The following GAK variants were observed in gnomAD, a reference collection of about 807,000 sequenced individuals.
GAK encodes cyclin G associated kinase, also known as cyclin-G-associated kinase.
A neutral mutation model predicts 143.9 loss-of-function variants in GAK; 79 were observed. The ratio of observed to expected loss-of-function variants is 0.55; its 90% CI spans 0.46 to 0.66. The LOEUF (loss-of-function observed/expected upper bound fraction) is 0.66. Ranked by LOEUF, GAK falls within the 30% of genes least tolerant of loss-of-function variation. GAK has a pLI of 0.00. For missense variants in GAK, 1,693 were observed against 1,779.7 expected (o/e 0.95, Z 0.88); for synonymous variants, 881 against 765.5 (o/e 1.15, Z -2.49).
rs1469002064 is a variant in GAK, at chr4:850,994, G to A, written c.3599C>T (p.Thr1200Ile). The A allele has an allele frequency of 6.2e-7, 1 of 1,614,122 alleles. No homozygotes were observed. The highest frequency in any genetic ancestry group is 8.5e-7 in the Non-Finnish European group (1 of 1,180,006). The stretch of plus-strand genomic sequence containing the variant: ...GTCCTGCTTCCTCATCTCTGCAATG[G>A]TCTTTGGCCCTTTCTTGTCAGACCT... ...SSRSDKKGPK[T>I]IAEMRKQDLA... The change falls in exon 26 of 28, where the codon ACC (threonine) becomes ATC (isoleucine). Residue 1200 changes from threonine to isoleucine, a missense_variant. Thr to Ile is a moderately conservative substitution (Grantham distance 89). Around this residue, in one of 2 missense-constraint regions of GAK, gnomAD observed 822 missense variants for 788.7 expected, o/e 1.04. Transcript: ENST00000314167.
intron 18 of GAK, among the ~76,000 whole-genome samples, chr4:873,064 G>C (rs1463135600): frequency 6.9e-6 from 1 of 145,692 alleles, no homozygotes; most frequent in Admixed American, 6.9e-5. Flanking sequence ...CGCCCACAGC[G>C]CAGCCTTGAT....
At chr4:910,653 C>T (rs999184405) in intron 4 of GAK, among the ~76,000 whole-genome samples, 3 of 152,108 alleles carry the variant, frequency 2.0e-5, no homozygotes, top group South Asian at 2.1e-4. Context: ...AGATCTCACG[C>T]GGCTACAGGT....
intron 21 of GAK, 87 bp from the exon 22 acceptor site, chr4:866,621 G>A (rs563728678): frequency 1.3e-5 from 18 of 1,439,898 alleles, no homozygotes; most frequent in Admixed American, 4.2e-5. Context: ...CTGCCCAAGA[G>A]GCCACTCCAG....
intron 24 of GAK, chr4:853,064 T>TTA (rs1748466307): frequency 1.3e-5 from 2 of 152,080 alleles, no homozygotes; most frequent in Admixed American, 6.6e-5. Context: ...CTCCTAGGCT[T>TTA]AAGAGACCCG....
At chr4:912,204 G>C (rs1366406664) in intron 3 of GAK, 1 of 453,698 alleles carries the variant, frequency 2.2e-6, no homozygotes, top group African/African-American at 2.0e-5. Flanking sequence ...CAGAGTCTGA[G>C]GGCAGCCAGG....
chr4:866,359 C>T lies in GAK; in HGVS notation c.3043+5G>A. 1 of 1,613,696 alleles carries T rather than the reference C, an allele frequency of 6.2e-7. No homozygotes were observed. Among genetic ancestry groups the T allele is most frequent in the Non-Finnish European group, 8.5e-7 (1 of 1,179,820 alleles). ...AGAGCTGGCTGCCAGGCGAGAGGCA[C>T]TTACCCAGGTGCAGGAAGTCGGCGC... On this transcript the variant is annotated splice_donor_5th_base_variant and intron_variant, in intron 22 of 27. Transcript: ENST00000314167.
chr4:885,245 A>G (rs1302676513), intron 11 of GAK, among the ~76,000 whole-genome samples: 1 of 152,204 alleles, frequency 6.6e-6, no homozygotes, highest in Non-Finnish European at 1.5e-5. Flanking sequence ...CACACAAAGC[A>G]TGGCTACTGG....
At chr4:903,360 G>C (rs562852908) in intron 5 of GAK, among the ~76,000 whole-genome samples, 4 of 152,334 alleles carry the variant, frequency 2.6e-5, no homozygotes, top group East Asian at 1.9e-4. Flanking sequence ...AGGTGCAGTG[G>C]GGGGACAGTC....
At chr4:874,444 T>A (rs1349777828) in intron 18 of GAK, among the ~76,000 whole-genome samples, 1 of 152,180 alleles carries the variant, frequency 6.6e-6, no homozygotes, top group South Asian at 2.1e-4. Flanking sequence ...GCTGAAGACA[T>A]CCTTAACTGG....
chr4:882,971 T>A, intron 13 of GAK, 152 bp from the exon 14 acceptor site: 1 of 982,424 alleles, frequency 1.0e-6, no homozygotes, highest in Non-Finnish European at 1.5e-6. Context: ...GCACCAGGGC[T>A]GCCACTGGCC....
chr4:858,906 G>C (rs943939263), intron 24 of GAK, among the ~76,000 whole-genome samples: 1 of 152,210 alleles, frequency 6.6e-6, no homozygotes. Context: ...GAGCGTCCGG[G>C]GGTCACCGGC....
rs202157678 is a variant in GAK, at chr4:929,721, T to C, written c.145+2322A>G. ...AAAAAGGAAGATGACAGAACAAATTTGAAGAAATTAGAAAGCTATCTGGTT... is the reference window on the plus strand; with the variant it reads ...AAAAAGGAAGATGACAGAACAAATTCGAAGAAATTAGAAAGCTATCTGGTT... On this transcript the variant is annotated intron_variant, in intron 1 of 27. Coordinates refer to ENST00000314167, the MANE Select transcript of GAK (RefSeq NM_005255.4). Among the ~76,000 whole-genome samples, 6 of 151,870 alleles carry C rather than the reference T, an allele frequency of 4.0e-5. 1 individual carries two copies. The East Asian group carries it at 1.2e-3, about 29-fold the overall frequency.
At chr4:877,342 A>G in intron 16 of GAK, 135 bp from the exon 17 acceptor site, 1 of 680,874 alleles carries the variant, frequency 1.5e-6, no homozygotes, top group South Asian at 1.9e-5. Flanking sequence ...CCCCATGAAG[A>G]GCCTCACAAG....
chr4:856,332 CAGCTGCT>C (rs1749166742), intron 24 of GAK, among the ~76,000 whole-genome samples: 1 of 144,114 alleles, frequency 6.9e-6, no homozygotes, highest in Non-Finnish European at 1.5e-5. Flanking sequence ...CTGCTCACCA[CAGCTGCT>C]CACACCTGCT....
chr4:906,343 C>T (rs143450342), intron 4 of GAK, among the ~76,000 whole-genome samples: 15 of 152,344 alleles, frequency 9.8e-5, no homozygotes, highest in African/African-American at 3.6e-4. Flanking sequence ...CTCACATTCA[C>T]GACAGTATCA....
intron 11 of GAK, 112 bp downstream of exon 11, chr4:888,734 GC>G: frequency 7.5e-7 from 1 of 1,335,848 alleles, no homozygotes. Context: ...TGCCTCAGGG[GC>G]CCCTGTGGGG....
At chr4:855,020 G>C (rs1216893781) in intron 24 of GAK, among the ~76,000 whole-genome samples, 4 of 152,204 alleles carry the variant, frequency 2.6e-5, no homozygotes, top group Non-Finnish European at 4.4e-5. Flanking sequence ...CTCCAGCCTG[G>C]GCGACAGAGC....
intron 1 of GAK, among the ~76,000 whole-genome samples, chr4:928,109 G>A (rs1273522050): frequency 6.6e-6 from 1 of 152,346 alleles, no homozygotes; most frequent in Non-Finnish European, 1.5e-5. Flanking sequence ...CCAGGCTGGA[G>A]TGCAGTGGTG....
At chr4:918,279 CTAACA>C (rs1414594586) in intron 1 of GAK, among the ~76,000 whole-genome samples, 1 of 152,242 alleles carries the variant, frequency 6.6e-6, no homozygotes, top group African/African-American at 2.4e-5. Context: ...AAACTGACTT[CTAACA>C]TAAGACTTAA....
Sources: gnomAD v4.1 joint callset for allele counts (sites outside exome capture counted in the v4.1 genomes callset) on GRCh38, gnomAD v4.1.1 for gene constraint, gnomAD v4.1.1 regional missense constraint, MANE v1.5 for transcripts, NCBI Gene and HGNC (gene_info 2026-07-23, HGNC 2026-07-21) for gene names.